Variants in MGAM2 observed in about 807,000 individuals in gnomAD.
The protein encoded by MGAM2 is maltase-glucoamylase 2 (putative).
A neutral mutation model predicts 96.1 loss-of-function variants in MGAM2; 98 were observed. That is an observed-to-expected ratio of 1.02 (90% CI 0.87 to 1.21). The LOEUF is 1.21. Ranked by LOEUF, MGAM2 falls within the 50% of genes most tolerant of loss-of-function variation. The pLI is 0.00. For synonymous variants in MGAM2, 749 were observed against 414.8 expected (o/e 1.81, Z -9.79); for missense variants, 2,055 against 1,182.4 (o/e 1.74, Z -10.82).
At chr7:142,152,900 C>A (rs1291070396) in intron 15 of MGAM2, among the ~76,000 whole-genome samples, 1 of 152,104 alleles carries the variant, frequency 6.6e-6, no homozygotes, top group Non-Finnish European at 1.5e-5. Flanking sequence ...CAGCCCACAT[C>A]CAACCATAGG....
chr7:142,149,744 C>T (rs535996119), intron 15 of MGAM2, among the ~76,000 whole-genome samples: 36 of 151,312 alleles, frequency 2.4e-4, no homozygotes, highest in South Asian at 4.2e-4. Context: ...GGTTTCACAG[C>T]GTTAGCCAGG....
intron 7 of MGAM2, 124 bp downstream of exon 7, chr7:142,134,276 A>T (rs1794991147): frequency 2.4e-6 from 1 of 419,302 alleles, no homozygotes; most frequent in Non-Finnish European, 4.2e-6. Context: ...GTGTTGAGGA[A>T]TATTTGTTCT....
intron 24 of MGAM2, among the ~76,000 whole-genome samples, chr7:142,165,667 T>TA (rs1796008884): frequency 6.6e-6 from 1 of 152,206 alleles, no homozygotes; most frequent in Non-Finnish European, 1.5e-5. Context: ...TTCTGTTCTG[T>TA]AAAATGGAGA....
At chr7:142,119,718 C>T (rs1203914171) in intron 2 of MGAM2, among the ~76,000 whole-genome samples, 1 of 152,090 alleles carries the variant, frequency 6.6e-6, no homozygotes. Flanking sequence ...GTGATTCAGC[C>T]ATTAAAAGCA....
chr7:142,149,225 G>A (rs1326054794), intron 15 of MGAM2, among the ~76,000 whole-genome samples: 4 of 111,464 alleles, frequency 3.6e-5, no homozygotes, highest in Non-Finnish European at 6.3e-5. Context: ...GTGAAACTCC[G>A]TCTCAAAAAA....
chr7:142,186,058 A>G lies in MGAM2; in HGVS notation c.4057A>G (p.Ile1353Val). The change falls in exon 35 of 48, where the codon ATA (isoleucine) becomes GTA (valine). Residue 1353 changes from isoleucine (I) to valine (V), a missense_variant. Ile to Val is a conservative substitution (Grantham distance 29). Coordinates refer to ENST00000477922, the MANE Select transcript of MGAM2 (RefSeq NM_001293626.2). ...NSTAAWWKKE[I>V]EELYANPREP... Reference sequence around the variant, plus strand: ...CACAGCTGCGTGGTGGAAGAAAGAGATAGAAGAGCTCTATGCAAACCCTCG... The same window carrying G: ...CACAGCTGCGTGGTGGAAGAAAGAGGTAGAAGAGCTCTATGCAAACCCTCG... 1 of 705,734 alleles carries G rather than the reference A, an allele frequency of 1.4e-6. No individual in the cohort carries two copies. The highest frequency in any genetic ancestry group is 2.6e-6 in the Non-Finnish European group (1 of 385,108). 43.7% of individuals were successfully genotyped at this position (705,734 alleles called of 1,614,324 possible). A position where few individuals can be genotyped will look rare whatever the true frequency, so the allele number is the denominator to read the frequency against.
In MGAM2 at chr7:142,197,744, T is replaced by A; in HGVS notation, c.4866+16T>A. 1.4e-6 allele frequency: 1 copy of A among 703,000 alleles called. No homozygotes were observed. The highest frequency in any genetic ancestry group is 2.0e-5 in the Admixed American group (1 of 50,012). 43.5% of individuals were successfully genotyped at this position (703,000 alleles called of 1,614,324 possible). A position where few individuals can be genotyped will look rare whatever the true frequency, so the allele number is the denominator to read the frequency against. The stretch of plus-strand genomic sequence containing the variant: ...GTTGGAAACTGTGAGTTCTTCATTG[T>A]AGGTCAGAAAACCTTCAATCACATG... On this transcript the variant is annotated intron_variant, in intron 42 of 47. Coordinates refer to ENST00000477922, the MANE Select transcript of MGAM2 (RefSeq NM_001293626.2).
At chr7:142,146,920 G>T (rs1450912690) in intron 14 of MGAM2, among the ~76,000 whole-genome samples, 1 of 151,942 alleles carries the variant, frequency 6.6e-6, no homozygotes, top group Non-Finnish European at 1.5e-5. Flanking sequence ...TAAAGACGGG[G>T]TTTCACCATA....
In MGAM2 at chr7:142,201,268, C is replaced by A. The variant is rs534174310; in HGVS notation, c.5137+1300C>A. ...TATTTTTAGTAGAGATGGGGTTTCG[C>A]CATGTTGGCCAGGCTGGTCTCGAAC... On this transcript the variant is annotated intron_variant, in intron 45 of 47. Transcript: ENST00000477922. Among the ~76,000 whole-genome samples, 23 of 151,672 alleles carry A rather than the reference C, an allele frequency of 1.5e-4. No individual in the cohort carries two copies. In the East Asian group the frequency reaches 2.3e-3, roughly 15 times the overall value.
intron 12 of MGAM2, 75 bp downstream of exon 12, chr7:142,141,194 A>T (rs1795219144): frequency 4.5e-6 from 3 of 663,606 alleles, no homozygotes; most frequent in Admixed American, 4.7e-5. Flanking sequence ...GATGAGTGAA[A>T]GGCAAGTTAC....
At chr7:142,144,127 C>T (rs1318236396) in intron 13 of MGAM2, 1 of 300,418 alleles carries the variant, frequency 3.3e-6, no homozygotes, top group Non-Finnish European at 6.2e-6. Flanking sequence ...TTTGCTTTCT[C>T]CATTAACTGG....
chr7:142,204,730 A>G (rs1038235069), intron 45 of MGAM2, among the ~76,000 whole-genome samples: 1 of 152,162 alleles, frequency 6.6e-6, no homozygotes, highest in Non-Finnish European at 1.5e-5. Context: ...AACATTTAAT[A>G]TGAGCTACTT....
intron 37 of MGAM2, among the ~76,000 whole-genome samples, chr7:142,191,604 A>C (rs4437558): frequency 0.86 from 127,682 of 148,228 alleles, 55,045 homozygotes; most frequent in East Asian, 0.96. Flanking sequence ...CTCTCTCTCT[A>C]TATATATATA....
Position 142,114,086 on chromosome 7 carries a change from G to A in MGAM2, c.-1+2279G>A, listed in dbSNP as rs374000270. ...GCGGAGGTTGCGGTGAGCCGAGATC[G>A]CGCCACTGCACTCCAGCCAGGGCAA... On this transcript the variant is annotated intron_variant, in intron 1 of 47. Coordinates refer to ENST00000477922, the MANE Select transcript of MGAM2 (RefSeq NM_001293626.2). 7.3e-5 allele frequency among the ~76,000 whole-genome samples: 11 copies of A among 150,540 alleles called. No homozygotes were observed. The South Asian group carries it at 1.9e-3, about 26-fold the overall frequency.
intron 46 of MGAM2, among the ~76,000 whole-genome samples, chr7:142,215,324 T>C: frequency 6.6e-6 from 1 of 151,956 alleles, no homozygotes. Context: ...AGGAGACAGA[T>C]AGCATTAGGA....
Position 142,138,545 on chromosome 7 carries a change from G to A in MGAM2, c.964G>A (p.Val322Ile), listed in dbSNP as rs115611490. 1.7e-4 allele frequency: 117 copies of A among 702,968 alleles called. No individual in the cohort carries two copies. The African/African-American group carries it at 2.0e-3, about 12-fold the overall frequency. The allele number at this position is 702,968 out of a possible 1,614,324, so 43.5% of individuals were successfully genotyped here. ...ACACACTTACTTATCTTTTCAGCTT[G>A]TTGGACGGCCATTCTTCCCTCCCTA... ...EQVVQEYLELVGRPFFPPYWS... is the reference protein window; with the variant it reads ...EQVVQEYLELIGRPFFPPYWS... Residue 322 changes from valine (V) to isoleucine (I), a missense_variant, in exon 10 of 48, where the codon GTT becomes ATT. Physicochemically the swap from Val to Ile is conservative, Grantham distance 29 (BLOSUM62 3). Transcript: ENST00000477922.
At chr7:142,162,263 G>A (rs1795911866) in intron 23 of MGAM2, among the ~76,000 whole-genome samples, 1 of 152,030 alleles carries the variant, frequency 6.6e-6, no homozygotes, top group African/African-American at 2.4e-5. Context: ...TATGTGATGG[G>A]TGCTGGCTTC....
chr7:142,201,664 T>A (rs1007626363), intron 45 of MGAM2, among the ~76,000 whole-genome samples: 1 of 152,188 alleles, frequency 6.6e-6, no homozygotes, highest in East Asian at 1.9e-4. Flanking sequence ...CCTACAATAG[T>A]TGCATCTGTA....
chr7:142,122,371 G>A (rs1352877264), intron 3 of MGAM2, among the ~76,000 whole-genome samples: 1 of 152,192 alleles, frequency 6.6e-6, no homozygotes, highest in African/African-American at 2.4e-5. Flanking sequence ...ACAAAGAGTT[G>A]TTATTAATAC....
Sources: gnomAD v4.1 joint callset for allele counts (sites outside exome capture counted in the v4.1 genomes callset) on GRCh38, gnomAD v4.1.1 for gene constraint, MANE v1.5 for transcripts, NCBI Gene and HGNC (gene_info 2026-07-23, HGNC 2026-07-21) for gene names.